Variants in ZDHHC14 observed in about 807,000 individuals in gnomAD.
The protein encoded by ZDHHC14 is palmitoyltransferase ZDHHC14.
ZDHHC14 carries 16 observed loss-of-function variants against 47.7 expected under a neutral mutation model. The observed-to-expected ratio is 0.34, with a 90% CI of 0.23 to 0.51. The LOEUF (loss-of-function observed/expected upper bound fraction) is 0.51. Ranked by LOEUF, ZDHHC14 falls within the 20% of genes least tolerant of loss-of-function variation. The probability of loss-of-function intolerance (pLI) is 0.97; values close to 1 mark genes in which losing one functional copy is unlikely to be tolerated. For synonymous variants in ZDHHC14, 293 were observed against 278.9 expected (o/e 1.05, Z -0.50); for missense variants, 515 against 662.5 (o/e 0.78, Z 2.44).
intron 3 of ZDHHC14, among the ~76,000 whole-genome samples, chr6:157,607,305 A>G (rs17447903): frequency 0.65 from 99,334 of 151,996 alleles, 32,711 homozygotes; most frequent in South Asian, 0.81. Context: ...CTCTCCACCC[A>G]ACCAAGGAAG....
At chr6:157,596,819 G>A (rs552118605) in intron 3 of ZDHHC14, among the ~76,000 whole-genome samples, 27 of 152,304 alleles carry the variant, frequency 1.8e-4, no homozygotes, top group African/African-American at 4.8e-4. Flanking sequence ...CAGTAAGCGC[G>A]TGGCTCTGGC....
At chr6:157,417,660 T>C (rs1052021325) in intron 1 of ZDHHC14, among the ~76,000 whole-genome samples, 8 of 152,230 alleles carry the variant, frequency 5.3e-5, no homozygotes, top group Admixed American at 1.3e-4. Flanking sequence ...CATTGGCTGA[T>C]ATGATACATA....
At chr6:157,626,243 A>G (rs1785409854) in intron 3 of ZDHHC14, among the ~76,000 whole-genome samples, 1 of 152,188 alleles carries the variant, frequency 6.6e-6, no homozygotes, top group Admixed American at 6.5e-5. Flanking sequence ...TTGAGAGATC[A>G]GCTTTCCTAG....
At chr6:157,404,918 C>T (rs780502414) in intron 1 of ZDHHC14, among the ~76,000 whole-genome samples, 1 of 152,026 alleles carries the variant, frequency 6.6e-6, no homozygotes, top group Admixed American at 6.5e-5. Flanking sequence ...ATTCCTTATG[C>T]GCTACTGACA....
chr6:157,452,406 G>A (rs1778823342), intron 1 of ZDHHC14, among the ~76,000 whole-genome samples: 1 of 152,310 alleles, frequency 6.6e-6, no homozygotes. Context: ...TCTCCAAGCA[G>A]TGATGTCTGT....
chr6:157,642,241 A>G (rs1177797405), intron 5 of ZDHHC14, among the ~76,000 whole-genome samples: 1 of 152,128 alleles, frequency 6.6e-6, no homozygotes, highest in African/African-American at 2.4e-5. Context: ...TGATCCTCCA[A>G]ATACTGACGC....
At chr6:157,538,417 G>T (rs1176323912) in intron 1 of ZDHHC14, among the ~76,000 whole-genome samples, 1 of 152,248 alleles carries the variant, frequency 6.6e-6, no homozygotes, top group Non-Finnish European at 1.5e-5. Flanking sequence ...GACCAGGTCT[G>T]TGGTTGCTGA....
chr6:157,576,863 G>T (rs1243606169), intron 2 of ZDHHC14, among the ~76,000 whole-genome samples: 3 of 152,208 alleles, frequency 2.0e-5, no homozygotes, highest in Admixed American at 6.5e-5. Context: ...GGTAAGGAAA[G>T]AATTTTTTTT....
intron 1 of ZDHHC14, among the ~76,000 whole-genome samples, chr6:157,466,811 G>C (rs1156301596): frequency 6.6e-6 from 1 of 152,040 alleles, no homozygotes; most frequent in Non-Finnish European, 1.5e-5. Flanking sequence ...ACTACAGTCT[G>C]GGCGACAGAG....
intron 2 of ZDHHC14, among the ~76,000 whole-genome samples, chr6:157,558,229 TAAAC>T (rs1782558170): frequency 6.6e-6 from 1 of 152,220 alleles, no homozygotes; most frequent in Non-Finnish European, 1.5e-5. Context: ...AGCATAGATC[TAAAC>T]TCCTCAACCG....
intron 1 of ZDHHC14, among the ~76,000 whole-genome samples, chr6:157,518,838 G>C (rs944074579): frequency 6.6e-6 from 1 of 152,204 alleles, no homozygotes; most frequent in Non-Finnish European, 1.5e-5. Flanking sequence ...CATTCCCAGC[G>C]CATTCTTGTG....
chr6:157,445,357 T>G (rs540249519), intron 1 of ZDHHC14, among the ~76,000 whole-genome samples: 1 of 152,288 alleles, frequency 6.6e-6, no homozygotes, highest in East Asian at 1.9e-4. Flanking sequence ...TTATTAAAAA[T>G]AAACAAAGCC....
chr6:157,645,939 C>A (rs371917351), intron 6 of ZDHHC14, 100 bp downstream of exon 6: 1 of 1,025,864 alleles, frequency 9.7e-7, no homozygotes, highest in Non-Finnish European at 1.4e-6. Flanking sequence ...TCCCATACAT[C>A]CCGTTCCAGA....
intron 8 of ZDHHC14, among the ~76,000 whole-genome samples, chr6:157,668,261 TAGAC>T (rs1167645829): frequency 6.6e-6 from 1 of 152,182 alleles, no homozygotes; most frequent in African/African-American, 2.4e-5. Context: ...TAGACTTAGA[TAGAC>T]AGTCATCTTT....
chr6:157,619,779 A>T (rs1785113557), intron 3 of ZDHHC14, among the ~76,000 whole-genome samples: 1 of 152,150 alleles, frequency 6.6e-6, no homozygotes, highest in Admixed American at 6.5e-5. Flanking sequence ...ACTGTCAAGG[A>T]CTCAAAACCA....
intron 1 of ZDHHC14, among the ~76,000 whole-genome samples, chr6:157,434,545 A>G (rs189171461): frequency 2.0e-4 from 31 of 151,990 alleles, no homozygotes; most frequent in African/African-American, 7.0e-4. Context: ...GCCCTTAAAC[A>G]TTTTATTTGG....
At chr6:157,613,623 C>A (rs770899660) in intron 3 of ZDHHC14, among the ~76,000 whole-genome samples, 4 of 152,272 alleles carry the variant, frequency 2.6e-5, no homozygotes, top group Admixed American at 6.5e-5. Context: ...CTTCTTAGAA[C>A]AGCTCAGTTT....
chr6:157,454,496 TTC>T (rs1171283706), intron 1 of ZDHHC14, among the ~76,000 whole-genome samples: 93 of 93,042 alleles, frequency 1.0e-3, no homozygotes, highest in African/African-American at 2.7e-3. Context: ...ATGCAGCTTC[TTC>T]TTTTTTTTTT....
At chr6:157,626,840 C>A (rs1434728183) in intron 3 of ZDHHC14, among the ~76,000 whole-genome samples, 3 of 151,834 alleles carry the variant, frequency 2.0e-5, no homozygotes, top group Non-Finnish European at 4.4e-5. Flanking sequence ...CCTGTGCAGC[C>A]CTCCCCAGCC....
Sources: gnomAD v4.1 joint callset for allele counts (sites outside exome capture counted in the v4.1 genomes callset) on GRCh38, gnomAD v4.1.1 for gene constraint, MANE v1.5 for transcripts, NCBI Gene and HGNC (gene_info 2026-07-23, HGNC 2026-07-21) for gene names.